TRAK1: variants seen among roughly 807,000 people sequenced by gnomAD.
The protein encoded by TRAK1 is trafficking kinesin protein 1.
In TRAK1, 33 loss-of-function variants were observed where a neutral mutation model predicts 92.1. The ratio of observed to expected loss-of-function variants is 0.36; its 90% confidence interval spans 0.27 to 0.48. The LOEUF is 0.48. Ranked by LOEUF, TRAK1 falls within the 20% of genes least tolerant of loss-of-function variation. The pLI is 0.99. For synonymous variants in TRAK1, 521 were observed against 517.3 expected, an observed-to-expected ratio of 1.01 and a Z score of -0.10; for missense variants, 1,123 against 1,257.9, an observed-to-expected ratio of 0.89 and a Z score of 1.62.
chr3:42,111,399 C>CT (rs137998949), intron 1 of TRAK1, among the ~76,000 whole-genome samples: 6,968 of 145,402 alleles, frequency 0.048, 442 homozygotes, highest in African/African-American at 0.14. Flanking sequence ...TATGATAATC[C>CT]TTTTTTTTTT....
rs752111416 is a variant in TRAK1 at position 42,209,831 on chromosome 3, C to T, written c.1809C>T (p.Pro603=). 2.5e-6 allele frequency: 4 copies of T among 1,614,222 alleles called. No homozygotes were observed. Among genetic ancestry groups the T allele is most frequent in the Non-Finnish European group, 8.5e-7 (1 of 1,180,050 alleles). The change falls in exon 14 of 16, where the codon CCC becomes CCT. Residue 603 remains proline (P), a synonymous_variant. Transcript: ENST00000327628. ...CTCACCTTGGGGGCATCCTGGACCCCCGGCCCGGTGTGGTCACCAAGGGCT... is the reference window on the plus strand; with the variant it reads ...CTCACCTTGGGGGCATCCTGGACCCTCGGCCCGGTGTGGTCACCAAGGGCT... ...AQPHLGGILD[P]RPGVVTKGFR... is the part of the protein sequence containing the mutation.
chr3:42,143,522 G>C (rs1698949422), intron 2 of TRAK1, among the ~76,000 whole-genome samples: 1 of 152,130 alleles, frequency 6.6e-6, no homozygotes, highest in African/African-American at 2.4e-5. Flanking sequence ...GGTCGCAGGG[G>C]TCTGAGGAGT....
chr3:42,118,036 T>C (rs1576447318), intron 1 of TRAK1, among the ~76,000 whole-genome samples: 2 of 152,134 alleles, frequency 1.3e-5, no homozygotes, highest in Middle Eastern at 6.8e-3. Context: ...GCCAAGATGG[T>C]CTCGATGTCC....
intron 1 of TRAK1, among the ~76,000 whole-genome samples, chr3:42,038,803 G>GTTT (rs35147167): frequency 0.07 from 6,792 of 96,732 alleles, 400 homozygotes; most frequent in African/African-American, 0.096. Flanking sequence ...AAAAAAAAAA[G>GTTT]TTTTTTTTTT....
At chr3:42,055,972 C>T (rs926082377) in intron 1 of TRAK1, among the ~76,000 whole-genome samples, 16 of 152,180 alleles carry the variant, frequency 1.1e-4, no homozygotes, top group African/African-American at 3.1e-4. Context: ...CTTAGCATAA[C>T]GTTTTCAGAG....
intron 1 of TRAK1, among the ~76,000 whole-genome samples, chr3:42,042,326 TTATTAA>T (rs1702578133): frequency 6.6e-6 from 1 of 152,140 alleles, no homozygotes; most frequent in South Asian, 2.1e-4. Flanking sequence ...TTGTGTCCTT[TTATTAA>T]TATGGTATAT....
intron 4 of TRAK1, among the ~76,000 whole-genome samples, chr3:42,187,295 T>C (rs775089555): frequency 1.3e-5 from 2 of 152,210 alleles, no homozygotes. Flanking sequence ...GTATTGCCCG[T>C]GCAGAGCTGG....
At chr3:42,120,943 C>T (rs2149118640) in intron 1 of TRAK1, among the ~76,000 whole-genome samples, 1 of 152,326 alleles carries the variant, frequency 6.6e-6, no homozygotes, top group Middle Eastern at 3.4e-3. Flanking sequence ...TGAAGTCTTC[C>T]ACCTGTTTAG....
chr3:42,016,411 G>A (rs556192860), intron 1 of TRAK1, among the ~76,000 whole-genome samples: 7 of 152,208 alleles, frequency 4.6e-5, no homozygotes, highest in African/African-American at 1.7e-4. Context: ...CACCACTTTG[G>A]CCAGGCTGGT....
chr3:42,211,659 T>A lies in TRAK1; in HGVS notation c.1963+1674T>A. 3.0e-6 allele frequency: 3 copies of A among 985,416 alleles called. No homozygotes were observed. In the South Asian group the frequency reaches 1.4e-4, roughly 46 times the overall value. 61.0% of individuals were successfully genotyped at this position (985,416 alleles called of 1,614,324 possible). A position where few individuals can be genotyped will look rare whatever the true frequency, so the allele number is the denominator to read the frequency against. ...GCAAAGAAGCACCATTAAGTGCATC[T>A]TCTAGAAGTTGTACAGAAGGACTAA... On this transcript the variant is annotated intron_variant, in intron 14 of 15. Transcript: ENST00000327628.
intron 2 of TRAK1, among the ~76,000 whole-genome samples, chr3:42,126,223 G>GA (rs1710543107): frequency 6.6e-6 from 1 of 151,476 alleles, no homozygotes; most frequent in African/African-American, 2.4e-5. Context: ...CAAATCCTTA[G>GA]AAACTCACTG....
intron 14 of TRAK1, chr3:42,218,995 T>G: frequency 1.0e-6 from 1 of 985,388 alleles, no homozygotes; most frequent in Non-Finnish European, 1.2e-6. Flanking sequence ...CCCCTTTTTG[T>G]GTAAGCAGAA....
chr3:42,092,328 TGA>T (rs2148969796), intron 1 of TRAK1, among the ~76,000 whole-genome samples: 1 of 152,336 alleles, frequency 6.6e-6, no homozygotes, highest in South Asian at 2.1e-4. Context: ...AGTTAATTCC[TGA>T]GAGAAGTGAG....
At chr3:42,192,937 T>C in intron 7 of TRAK1, 138 bp from the exon 8 acceptor site, 1 of 1,262,780 alleles carries the variant, frequency 7.9e-7, no homozygotes, top group Non-Finnish European at 1.1e-6. Context: ...TATGAGTTCC[T>C]TCCTGCACCC....
At chr3:42,096,534 G>A (rs759798348) in intron 1 of TRAK1, among the ~76,000 whole-genome samples, 8 of 152,212 alleles carry the variant, frequency 5.3e-5, no homozygotes, top group Admixed American at 1.3e-4. Flanking sequence ...GATTACAGGC[G>A]TGAGCCACCG....
At chr3:42,051,856 A>G (rs1702997217) in intron 1 of TRAK1, among the ~76,000 whole-genome samples, 1 of 152,172 alleles carries the variant, frequency 6.6e-6, no homozygotes, top group Admixed American at 6.5e-5. Context: ...CTTCACCCCC[A>G]ATTCCCAGAA....
At chr3:42,120,468 G>C (rs901977655) in intron 1 of TRAK1, among the ~76,000 whole-genome samples, 1 of 151,858 alleles carries the variant, frequency 6.6e-6, no homozygotes, top group Non-Finnish European at 1.5e-5. Context: ...ATAAGCTCCT[G>C]TCCTGTGCAG....
intron 3 of TRAK1, among the ~76,000 whole-genome samples, chr3:42,179,224 A>G (rs1274063040): frequency 1.3e-5 from 2 of 152,198 alleles, no homozygotes; most frequent in African/African-American, 4.8e-5. Flanking sequence ...TGCCTGAGTT[A>G]CTGCCTTTCC....
At chr3:42,123,044 G>A (rs1210377917) in intron 1 of TRAK1, among the ~76,000 whole-genome samples, 1 of 152,090 alleles carries the variant, frequency 6.6e-6, no homozygotes, top group Non-Finnish European at 1.5e-5. Flanking sequence ...GAGTGGAAAT[G>A]CTCTATGGCA....
Sources: gnomAD v4.1 joint callset for allele counts (sites outside exome capture counted in the v4.1 genomes callset) on GRCh38, gnomAD v4.1.1 for gene constraint, MANE v1.5 for transcripts, NCBI Gene and HGNC (gene_info 2026-07-23, HGNC 2026-07-21) for gene names.